Variants in YME1L1 observed in about 807,000 individuals in gnomAD.
YME1L1 encodes ATP-dependent zinc metalloprotease YME1L1.
In YME1L1, 39 loss-of-function variants were observed where a neutral mutation model predicts 90.4. That is an observed-to-expected ratio of 0.43 (90% CI 0.33 to 0.56). The LOEUF (loss-of-function observed/expected upper bound fraction) is 0.56, where lower values mean the gene tolerates loss of function less well. Ranked by LOEUF, YME1L1 falls within the 20% of genes least tolerant of loss-of-function variation. The probability of loss-of-function intolerance (pLI) is 0.03; values close to 1 mark genes in which losing one functional copy is unlikely to be tolerated. For missense variants in YME1L1, 617 were observed against 868.4 expected (o/e 0.71, Z 3.64); for synonymous variants, 284 against 287.3 (o/e 0.99, Z 0.12).
intron 1 of YME1L1, among the ~76,000 whole-genome samples, chr10:27,151,848 T>C (rs536191538): frequency 3.6e-4 from 53 of 149,268 alleles, no homozygotes; most frequent in Non-Finnish European, 5.5e-4. Flanking sequence ...GCCACTGCAC[T>C]CCAGCCTGGG....
At chr10:27,138,508 T>C (rs1327151323) in intron 4 of YME1L1, among the ~76,000 whole-genome samples, 4 of 152,238 alleles carry the variant, frequency 2.6e-5, no homozygotes, top group South Asian at 4.1e-4. Flanking sequence ...TAAAGCTTCA[T>C]ACACACACGT....
At chr10:27,137,848 G>A (rs1412184040) in intron 4 of YME1L1, among the ~76,000 whole-genome samples, 1 of 151,850 alleles carries the variant, frequency 6.6e-6, no homozygotes, top group Non-Finnish European at 1.5e-5. Flanking sequence ...TATATATATT[G>A]TAAACATTTA....
chr10:27,136,305 T>C lies in YME1L1; in HGVS notation c.511A>G (p.Thr171Ala). Residue 171 changes from threonine to alanine, a missense_variant, in exon 5 of 19, where the codon ACA becomes GCA. By Grantham distance (58) the Thr-to-Ala change is moderately conservative. Coordinates refer to ENST00000376016, the MANE Select transcript of YME1L1 (RefSeq NM_014263.4). Reference sequence around the variant, plus strand: ...ACGAATGATGGCGCTATATTCTGTGTTTCAGCTAATCTCTCGGAGGTAGAC... The same window carrying C: ...ACGAATGATGGCGCTATATTCTGTGCTTCAGCTAATCTCTCGGAGGTAGAC... ...LQSTSERLAETQNIAPSFVKG... is the reference protein window; with the variant it reads ...LQSTSERLAEAQNIAPSFVKG... 6.2e-7 allele frequency: 1 copy of C among 1,613,776 alleles called. No homozygotes were observed. The highest frequency in any genetic ancestry group is 1.1e-5 in the South Asian group (1 of 91,076).
chr10:27,135,071 T>A (rs2057014195), intron 5 of YME1L1, 90 bp from the exon 6 acceptor site: 1 of 1,301,366 alleles, frequency 7.7e-7, no homozygotes, highest in African/African-American at 1.5e-5. Flanking sequence ...TTCACTAAAA[T>A]TCTGTATAAT....
chr10:27,147,161 T>G, intron 2 of YME1L1: 1 of 525,152 alleles, frequency 1.9e-6, no homozygotes, highest in Non-Finnish European at 3.4e-6. Flanking sequence ...CTAAGTAACA[T>G]GATTAGTTCT....
At chr10:27,112,243 A>C (rs1212623895) in intron 18 of YME1L1, 123 bp from the exon 19 acceptor site, 1 of 874,748 alleles carries the variant, frequency 1.1e-6, no homozygotes, top group Non-Finnish European at 1.7e-6. Context: ...TATTTATAAA[A>C]TCATGTAGAA....
chr10:27,136,217 C>A, intron 5 of YME1L1, 59 bp downstream of exon 5: 2 of 1,344,720 alleles, frequency 1.5e-6, no homozygotes, highest in South Asian at 1.2e-5. Context: ...GATATTGAAG[C>A]TCCTCACTCT....
Position 27,124,843 on chromosome 10 carries a change from T to C in YME1L1, c.950-1144A>G, listed in dbSNP as rs1305760949. On this transcript the variant is annotated intron_variant, in intron 9 of 18. Transcript: ENST00000376016. ...GGGCTTTTCCAGTGTTTTCTCATGA[T>C]TGTATTGAGATTGTGCTCTTTTTTA... Among the ~76,000 whole-genome samples the C allele has an allele frequency of 3.3e-5, 5 of 152,308 alleles. No individual in the cohort carries two copies. The East Asian group carries it at 5.8e-4, about 18-fold the overall frequency.
Position 27,136,259 on chromosome 10 carries a change from T to TA in YME1L1, c.540+16dup. The stretch of plus-strand genomic sequence containing the variant: ...TTGAAAATATTTGCTTTTTGGATCA[T>TA]AAAAAGGTCTAATTACCTTCACGAA... On this transcript the variant is annotated intron_variant, in intron 5 of 18. Coordinates refer to ENST00000376016, the MANE Select transcript of YME1L1 (RefSeq NM_014263.4). 1 of 1,597,014 alleles carries TA rather than the reference T, an allele frequency of 6.3e-7. No individual in the cohort carries two copies. The highest frequency in any genetic ancestry group is 8.5e-7 in the Non-Finnish European group (1 of 1,171,126).
At chr10:27,142,851 G>C (rs889426827) in intron 3 of YME1L1, among the ~76,000 whole-genome samples, 1 of 152,076 alleles carries the variant, frequency 6.6e-6, no homozygotes, top group African/African-American at 2.4e-5. Context: ...AAGTAGCTGG[G>C]ACTACAGGCG....
At chr10:27,145,159 C>T (rs1243946374) in intron 3 of YME1L1, among the ~76,000 whole-genome samples, 2 of 151,882 alleles carry the variant, frequency 1.3e-5, no homozygotes, top group African/African-American at 4.8e-5. Context: ...AATTATTGTA[C>T]CAATGTTAAT....
chr10:27,115,959 A>T, intron 17 of YME1L1, 101 bp downstream of exon 17: 2 of 1,039,110 alleles, frequency 1.9e-6, no homozygotes, highest in Non-Finnish European at 2.9e-6. Context: ...ATTTGGAGTG[A>T]GAGAAAAAGT....
intron 13 of YME1L1, 23 bp from the exon 14 acceptor site, chr10:27,119,472 C>T (rs557837129): frequency 2.7e-5 from 43 of 1,594,408 alleles, no homozygotes; most frequent in Admixed American, 1.7e-4. Flanking sequence ...GAGAACACAA[C>T]GCTAATAAGT....
At position 27,126,723 on chromosome 10, in the gene YME1L1, T is replaced by C. The variant is rs747792953; in HGVS notation, c.922A>G (p.Thr308Ala). ...VEFLKNPQKFTILGGKLPKGI... is the reference protein window; with the variant it reads ...VEFLKNPQKFAILGGKLPKGI... ...TTTGGAAGTTTACCTCCAAGAATAG[T>C]AAATTTTTGTGGATTTTTCAAGAAT... The change falls in exon 9 of 19, where the codon ACT (threonine) becomes GCT (alanine). Residue 308 changes from threonine to alanine, a missense_variant. Physicochemically the swap from Thr to Ala is moderately conservative, Grantham distance 58. Coordinates refer to ENST00000376016, the MANE Select transcript of YME1L1 (RefSeq NM_014263.4). 4 of 1,583,214 alleles carry C rather than the reference T, an allele frequency of 2.5e-6. No individual in the cohort carries two copies. Among genetic ancestry groups the C allele is most frequent in the Non-Finnish European group, 3.4e-6 (4 of 1,165,332 alleles).
At chr10:27,138,560 G>C (rs1391986718) in intron 4 of YME1L1, among the ~76,000 whole-genome samples, 1 of 151,964 alleles carries the variant, frequency 6.6e-6, no homozygotes, top group Non-Finnish European at 1.5e-5. Context: ...TTCCTGTCAG[G>C]ATAAAACATT....
rs535133003 is a variant in YME1L1 at position 27,118,882 on chromosome 10, T to C, written c.1567+412A>G. Among the ~76,000 whole-genome samples the C allele has an allele frequency of 1.3e-4, 20 of 152,314 alleles. No homozygotes were observed. In the South Asian group the frequency reaches 2.7e-3, roughly 21 times the overall value. On this transcript the variant is annotated intron_variant, in intron 14 of 18. Coordinates refer to ENST00000376016, the MANE Select transcript of YME1L1 (RefSeq NM_014263.4). ...TCTCCCCACTACCAGTTTAACTATA[T>C]AATTACATAAGCAACTAGAATATAT...
chr10:27,139,465 G>A (rs2057063498), intron 4 of YME1L1, among the ~76,000 whole-genome samples: 2 of 152,064 alleles, frequency 1.3e-5, no homozygotes, highest in Non-Finnish European at 2.9e-5. Flanking sequence ...ACAGTGCCTG[G>A]CCTTATGCTA....
chr10:27,147,469 A>G (rs1291997930), intron 2 of YME1L1: 1 of 1,614,212 alleles, frequency 6.2e-7, no homozygotes, highest in South Asian at 1.1e-5. Context: ...ATCATAGACA[A>G]TAGGCATTTG....
At chr10:27,146,511 C>T (rs983700153) in intron 2 of YME1L1, 9 of 152,156 alleles carry the variant, frequency 5.9e-5, no homozygotes, top group African/African-American at 1.2e-4. Flanking sequence ...GTGGGAAGAT[C>T]GTTTGAGGCC....
Sources: allele counts gnomAD v4.1 joint callset (sites outside exome capture counted in the v4.1 genomes callset), GRCh38; gene constraint gnomAD v4.1.1; transcripts MANE v1.5; gene names NCBI Gene and HGNC (gene_info 2026-07-23, HGNC 2026-07-21).